Variants in PRKN observed in about 807,000 individuals in gnomAD.
The protein encoded by PRKN is E3 ubiquitin-protein ligase parkin.
Under a neutral mutation model 59.5 loss-of-function variants are expected in PRKN, and 56 were observed. That is an observed-to-expected ratio of 0.94 (90% CI 0.76 to 1.18). The LOEUF is 1.18. PRKN is among the 50% of genes most tolerant of loss of function. The probability of loss-of-function intolerance (pLI) is 0.00; values close to 1 mark genes in which losing one functional copy is unlikely to be tolerated. For synonymous variants in PRKN, 250 were observed against 222.1 expected (o/e 1.13, Z -1.12); for missense variants, 657 against 596.4 (o/e 1.10, Z -1.06).
At chr6:162,654,723 T>C (rs1368870516) in intron 1 of PRKN, among the ~76,000 whole-genome samples, 2 of 152,186 alleles carry the variant, frequency 1.3e-5, no homozygotes, top group Admixed American at 1.3e-4. Context: ...TGAAAGATGT[T>C]TGATTGACTC....
intron 7 of PRKN, among the ~76,000 whole-genome samples, chr6:161,779,128 C>CG (rs1316429470): frequency 3.3e-5 from 5 of 151,856 alleles, no homozygotes; most frequent in African/African-American, 1.2e-4. Context: ...TCACTGGACA[C>CG]GGGGTTTCAC....
At chr6:162,334,751 T>G (rs576685706) in intron 2 of PRKN, among the ~76,000 whole-genome samples, 205 of 152,288 alleles carry the variant, frequency 1.3e-3, no homozygotes, top group Non-Finnish European at 1.8e-3. Context: ...GGCAAAGATC[T>G]TTGAAAACCT....
intron 1 of PRKN, among the ~76,000 whole-genome samples, chr6:162,566,478 G>A (rs979098812): frequency 6.6e-6 from 1 of 152,004 alleles, no homozygotes; most frequent in Admixed American, 6.6e-5. Context: ...AAAGTTCAAA[G>A]GATCATTAGT....
rs962041700 is a variant in PRKN, at chr6:161,552,239, C to A, written c.934-3236G>T. Among the ~76,000 whole-genome samples, 2 of 152,068 alleles carry A rather than the reference C, an allele frequency of 1.3e-5. No individual in the cohort carries two copies. The highest frequency in any genetic ancestry group is 2.9e-5 in the Non-Finnish European group (2 of 68,040). On this transcript the variant is annotated intron_variant, in intron 8 of 11. Transcript: ENST00000366898. The surrounding 1 kb of genome is among the most constrained non-coding windows in gnomAD (Gnocchi z 4.9). ...GTTTTGCCGGAATTGTAAAAGGAAGCGGGACATCTCTCGATCACCTCTGCC... is the reference window on the plus strand; with the variant it reads ...GTTTTGCCGGAATTGTAAAAGGAAGAGGGACATCTCTCGATCACCTCTGCC...
rs1778967986 is a variant in PRKN at position 161,525,018 on chromosome 6, A to G, written c.1083+23836T>C. Among the ~76,000 whole-genome samples, 1 of 152,130 alleles carries G rather than the reference A, an allele frequency of 6.6e-6. No individual in the cohort carries two copies. The highest frequency in any genetic ancestry group is 2.4e-5 in the African/African-American group (1 of 41,420). On this transcript the variant is annotated intron_variant, in intron 9 of 11. Coordinates refer to ENST00000366898, the MANE Select transcript of PRKN (RefSeq NM_004562.3). This position sits in a 1 kb window ranked among gnomAD's most constrained non-coding sequence, Gnocchi z 4.7. ...ATCTTTTACACATTTCAAAACATCA[A>G]ATATGTTTGTTGTAGCTTGTTCTTA...
At chr6:161,911,570 T>C (rs1583335262) in intron 6 of PRKN, among the ~76,000 whole-genome samples, 1 of 152,254 alleles carries the variant, frequency 6.6e-6, no homozygotes, top group Non-Finnish European at 1.5e-5. Context: ...CTGTTTTCCA[T>C]GTACCTAAAA....
chr6:161,998,003 T>G (rs2128261408), intron 5 of PRKN, among the ~76,000 whole-genome samples: 1 of 152,262 alleles, frequency 6.6e-6, no homozygotes, highest in South Asian at 2.1e-4. Context: ...ACAGAAATGG[T>G]TTATATGGCA....
intron 7 of PRKN, among the ~76,000 whole-genome samples, chr6:161,618,992 C>A (rs1222122767): frequency 1.3e-5 from 2 of 152,132 alleles, no homozygotes; most frequent in Non-Finnish European, 2.9e-5. Context: ...GAAAAATGAG[C>A]CACAGTAGCA....
chr6:162,118,405 CAA>C (rs941614878), intron 4 of PRKN, among the ~76,000 whole-genome samples: 2 of 137,548 alleles, frequency 1.5e-5, no homozygotes, highest in African/African-American at 2.7e-5. Context: ...GACTCCATCT[CAA>C]AAAAAAAAAG....
intron 7 of PRKN, among the ~76,000 whole-genome samples, chr6:161,609,217 A>C (rs1782397155): frequency 6.6e-6 from 1 of 152,208 alleles, no homozygotes; most frequent in Non-Finnish European, 1.5e-5. Flanking sequence ...AAAATATCTT[A>C]ATCTATTTTA....
intron 4 of PRKN, among the ~76,000 whole-genome samples, chr6:162,144,432 G>T (rs1781919517): frequency 6.6e-6 from 1 of 152,206 alleles, no homozygotes; most frequent in South Asian, 2.1e-4. Flanking sequence ...TTGTAAGAAA[G>T]AATGGAGGCA....
chr6:162,278,673 A>G (rs373612004), intron 2 of PRKN, among the ~76,000 whole-genome samples: 2 of 152,332 alleles, frequency 1.3e-5, no homozygotes, highest in South Asian at 2.1e-4. Context: ...TATGGACTAC[A>G]AAAGAAATAT....
At chr6:161,645,551 A>G (rs547278976) in intron 7 of PRKN, among the ~76,000 whole-genome samples, 1 of 152,370 alleles carries the variant, frequency 6.6e-6, no homozygotes, top group South Asian at 2.1e-4. Context: ...TTTATAGAGC[A>G]TAATCCTATA....
intron 6 of PRKN, among the ~76,000 whole-genome samples, chr6:161,855,442 A>G (rs953926007): frequency 1.3e-5 from 2 of 152,194 alleles, no homozygotes; most frequent in African/African-American, 4.8e-5. Context: ...GACTGAATAT[A>G]TCTAAAAATC....
rs545536309 is a variant in PRKN, at chr6:161,786,132, T to C, written c.735-224A>G. Among the ~76,000 whole-genome samples, 11 of 152,372 alleles carry C rather than the reference T, an allele frequency of 7.2e-5. No individual in the cohort carries two copies. The East Asian group carries it at 2.1e-3, about 29-fold the overall frequency. Reference sequence around the variant, plus strand: ...CTGATTCTCCTAATTTTACATTTTTTATGTTAACACATTTATCAATCTTTT... The same window carrying C: ...CTGATTCTCCTAATTTTACATTTTTCATGTTAACACATTTATCAATCTTTT... On this transcript the variant is annotated intron_variant, in intron 6 of 11. Coordinates refer to ENST00000366898, the MANE Select transcript of PRKN (RefSeq NM_004562.3).
intron 6 of PRKN, among the ~76,000 whole-genome samples, chr6:161,962,336 C>A (rs929008996): frequency 6.6e-6 from 1 of 152,054 alleles, no homozygotes; most frequent in Non-Finnish European, 1.5e-5. Context: ...CTTCCCCTCA[C>A]CTAGTTTATA....
chr6:162,504,822 A>G (rs1401843023), intron 1 of PRKN, among the ~76,000 whole-genome samples: 1 of 152,170 alleles, frequency 6.6e-6, no homozygotes, highest in African/African-American at 2.4e-5. Flanking sequence ...AATGAGTAAG[A>G]AAACTGTAGA....
At chr6:162,098,046 G>A (rs1562511520) in intron 4 of PRKN, among the ~76,000 whole-genome samples, 1 of 152,168 alleles carries the variant, frequency 6.6e-6, no homozygotes, top group African/African-American at 2.4e-5. Flanking sequence ...GTTAATAGTG[G>A]TGGATATGAA....
At chr6:161,380,054 C>G (rs888765034) in intron 10 of PRKN, among the ~76,000 whole-genome samples, 2 of 152,176 alleles carry the variant, frequency 1.3e-5, no homozygotes, top group East Asian at 1.9e-4. Context: ...CCGTCTCCAG[C>G]CTAGTCTGTG....
Sources: allele counts gnomAD v4.1 joint callset (sites outside exome capture counted in the v4.1 genomes callset), GRCh38; gene constraint gnomAD v4.1.1; non-coding constraint Gnocchi (gnomAD v3.1); transcripts MANE v1.5; gene names NCBI Gene and HGNC (gene_info 2026-07-23, HGNC 2026-07-21).